Variants in CERS3 observed in about 807,000 individuals in gnomAD.
The protein encoded by CERS3 is ceramide synthase 3.
In CERS3, 33 loss-of-function variants were observed where a neutral mutation model predicts 50.3. The ratio of observed to expected loss-of-function variants is 0.66; its 90% CI spans 0.50 to 0.88. CERS3 has a LOEUF of 0.88. CERS3 is among the 40% of genes least tolerant of loss of function. The pLI is 0.00. For missense variants in CERS3, 470 were observed against 460.3 expected (o/e 1.02, Z -0.19); for synonymous variants, 176 against 155.2 (o/e 1.13, Z -0.99).
intron 8 of CERS3, among the ~76,000 whole-genome samples, chr15:100,474,136 G>C (rs915980252): frequency 6.5e-4 from 19 of 29,340 alleles, no homozygotes; most frequent in African/African-American, 1.3e-3. Context: ...GAGGTTGAGA[G>C]AAACGAGGAG....
chr15:100,478,574 A>T (rs942014346), intron 7 of CERS3, among the ~76,000 whole-genome samples: 1 of 149,066 alleles, frequency 6.7e-6, no homozygotes, highest in African/African-American at 2.6e-5. Flanking sequence ...AAGAGAAAAA[A>T]GGCATTATGT....
At chr15:100,508,906 T>C (rs1010465678) in intron 2 of CERS3, among the ~76,000 whole-genome samples, 9 of 152,156 alleles carry the variant, frequency 5.9e-5, no homozygotes, top group Non-Finnish European at 8.8e-5. Flanking sequence ...TCAGAAGAAA[T>C]TGTGATTTTA....
intron 11 of CERS3, among the ~76,000 whole-genome samples, chr15:100,448,773 C>T (rs1267460551): frequency 6.6e-6 from 1 of 152,368 alleles, no homozygotes; most frequent in Admixed American, 6.5e-5. Flanking sequence ...GCCCTGATAT[C>T]CCCAGTAGTG....
chr15:100,417,671 A>C (rs1255315111), intron 11 of CERS3, among the ~76,000 whole-genome samples: 2 of 152,032 alleles, frequency 1.3e-5, no homozygotes, highest in African/African-American at 4.8e-5. Context: ...CTGCAGACTT[A>C]AATGTCCCTG....
At position 100,491,541 on chromosome 15, in the gene CERS3, G is replaced by A. The variant is rs373192110; in HGVS notation, c.174-610C>T. On this transcript the variant is annotated intron_variant, in intron 3 of 11. Transcript: ENST00000679737. ...CTGTCAGCCTTGGCAATTCTACTGG[G>A]TGTGTAGTGGTTTTTGTTGATTTTC... Among the ~76,000 whole-genome samples the A allele has an allele frequency of 1.1e-4, 16 of 152,202 alleles. No individual in the cohort carries two copies. In the South Asian group the frequency reaches 2.7e-3, roughly 26 times the overall value.
intron 10 of CERS3, among the ~76,000 whole-genome samples, chr15:100,461,124 GA>G (rs2034535768): frequency 6.6e-6 from 1 of 152,162 alleles, no homozygotes; most frequent in African/African-American, 2.4e-5. Flanking sequence ...GCTGGTTTTA[GA>G]AAGAGGAGTG....
At chr15:100,431,407 A>G (rs573692357) in intron 11 of CERS3, among the ~76,000 whole-genome samples, 26 of 152,330 alleles carry the variant, frequency 1.7e-4, no homozygotes, top group African/African-American at 4.6e-4. Context: ...TTTTTCTACA[A>G]AAGAATCCCA....
At chr15:100,514,633 T>C (rs2036442072) in intron 2 of CERS3, among the ~76,000 whole-genome samples, 1 of 152,182 alleles carries the variant, frequency 6.6e-6, no homozygotes, top group Admixed American at 6.5e-5. Flanking sequence ...ATCCAGCTAA[T>C]GTTAGAAATT....
At chr15:100,423,888 T>C (rs1247803856) in intron 11 of CERS3, among the ~76,000 whole-genome samples, 1 of 152,076 alleles carries the variant, frequency 6.6e-6, no homozygotes, top group Non-Finnish European at 1.5e-5. Flanking sequence ...TGCAGAACCA[T>C]GAGTTAATTA....
intron 3 of CERS3, among the ~76,000 whole-genome samples, chr15:100,497,753 G>A (rs1206890847): frequency 6.6e-6 from 1 of 151,700 alleles, no homozygotes; most frequent in East Asian, 1.9e-4. Flanking sequence ...ATAAATACCT[G>A]TTAAAATCAT....
At chr15:100,451,174 G>T (rs2034148082) in intron 11 of CERS3, among the ~76,000 whole-genome samples, 1 of 151,556 alleles carries the variant, frequency 6.6e-6, no homozygotes, top group African/African-American at 2.4e-5. Context: ...TGTTACCACT[G>T]CAGAAAACCA....
intron 1 of CERS3, among the ~76,000 whole-genome samples, chr15:100,526,792 C>G (rs981995680): frequency 1.3e-5 from 2 of 151,952 alleles, no homozygotes; most frequent in African/African-American, 4.8e-5. Context: ...GGTGATACCC[C>G]CAATCCTAGA....
chr15:100,455,833 C>T lies in CERS3; in HGVS notation c.999+60G>A, dbSNP rs12595207. On this transcript the variant is annotated intron_variant, in intron 11 of 11. Transcript: ENST00000679737. ...GAATTAACTTGAACATTCAACAGTCCGGGCCTCACCATTAACCTGGCAATG... is the reference window on the plus strand; with the variant it reads ...GAATTAACTTGAACATTCAACAGTCTGGGCCTCACCATTAACCTGGCAATG... 726,154 of 1,074,012 alleles carry T rather than the reference C, an allele frequency of 0.68. 246,937 individuals are homozygous for T. The highest frequency in any genetic ancestry group is 0.79 in the Admixed American group (32,039 of 40,424). The allele number at this position is 1,074,012 out of a possible 1,614,324, so 66.5% of individuals were successfully genotyped here.
intron 11 of CERS3, among the ~76,000 whole-genome samples, chr15:100,441,531 C>T (rs1159788443): frequency 4.6e-5 from 7 of 151,936 alleles, no homozygotes; most frequent in South Asian, 4.2e-4. Flanking sequence ...TCACTATGGG[C>T]AACCTTCCAC....
intron 10 of CERS3, among the ~76,000 whole-genome samples, chr15:100,467,294 G>T (rs2034777868): frequency 4.2e-5 from 1 of 23,842 alleles, no homozygotes; most frequent in Non-Finnish European, 1.1e-4. Flanking sequence ...CTAGAACCAT[G>T]AGAAATAATA....
At chr15:100,439,751 C>T (rs1453683726) in intron 11 of CERS3, among the ~76,000 whole-genome samples, 1 of 152,184 alleles carries the variant, frequency 6.6e-6, no homozygotes, top group African/African-American at 2.4e-5. Flanking sequence ...GCTGATTTCA[C>T]AGCCAGTTTT....
intron 11 of CERS3, among the ~76,000 whole-genome samples, chr15:100,411,779 C>T (rs553363480): frequency 8.5e-5 from 13 of 152,134 alleles, no homozygotes; most frequent in Middle Eastern, 3.4e-3. Context: ...TTGTTATGTT[C>T]GGTTTTTTTA....
At chr15:100,488,926 G>A (rs943319833) in intron 4 of CERS3, among the ~76,000 whole-genome samples, 40 of 152,094 alleles carry the variant, frequency 2.6e-4, no homozygotes, top group African/African-American at 8.9e-4. Context: ...ACAGGCACTC[G>A]CCACCACGCC....
rs139388460 is a variant in CERS3, at chr15:100,483,182, G to T, written c.407+1368C>A. On this transcript the variant is annotated intron_variant, in intron 5 of 11. Transcript: ENST00000679737. ...AGAAAGCCTTTCTTTAACTACTTCA[G>T]CCATGCTGATGCCATCACCTCTAAA... Among the ~76,000 whole-genome samples, 438 of 152,234 alleles carry T rather than the reference G, an allele frequency of 2.9e-3. 2 individuals carry two copies. The highest frequency in any genetic ancestry group is 9.7e-3 in the African/African-American group (402 of 41,542).
Sources: allele counts gnomAD v4.1 joint callset (sites outside exome capture counted in the v4.1 genomes callset), GRCh38; gene constraint gnomAD v4.1.1; transcripts MANE v1.5; gene names NCBI Gene and HGNC (gene_info 2026-07-23, HGNC 2026-07-21).